Variants in NOTCH3 observed in about 807,000 individuals in gnomAD.
The protein encoded by NOTCH3 is notch receptor 3.
NOTCH3 carries 86 observed loss-of-function variants against 213.3 expected under a neutral mutation model. The observed-to-expected ratio is 0.40, with a 90% CI of 0.34 to 0.48. The LOEUF (loss-of-function observed/expected upper bound fraction) is 0.48. NOTCH3 is among the 20% of genes least tolerant of loss of function. The pLI is 0.57. For missense variants in NOTCH3, 2,783 were observed against 3,272.6 expected, an observed-to-expected ratio of 0.85 and a Z score of 3.65; for synonymous variants, 1,354 against 1,355.9, an observed-to-expected ratio of 1.00 and a Z score of 0.03.
rs1383667682 is a variant in NOTCH3, at chr19:15,185,018, T to C, written c.2298A>G (p.Gly766=). ...FHCTCPPGVQ[G]RQCELLSPCT... Reference sequence around the variant, plus strand: ...AGGGGGAGAGGAGTTCACACTGACGTCCTGTTGGGGGTGGAAGAGAGGGAA... The same window carrying C: ...AGGGGGAGAGGAGTTCACACTGACGCCCTGTTGGGGGTGGAAGAGAGGGAA... Residue 766 remains glycine (G), a splice_region_variant and synonymous_variant, in exon 15 of 33, where the codon GGA becomes GGG. Coordinates refer to ENST00000263388, the MANE Select transcript of NOTCH3 (RefSeq NM_000435.3). The surrounding 1 kb of genome is among the most constrained non-coding windows in gnomAD (Gnocchi z 4.2). 9 of 1,477,848 alleles carry C rather than the reference T, an allele frequency of 6.1e-6. No homozygotes were observed. In the Admixed American group the frequency reaches 8.2e-5, roughly 14 times the overall value. 91.5% of individuals were successfully genotyped at this position (1,477,848 alleles called of 1,614,324 possible).
intron 24 of NOTCH3, among the ~76,000 whole-genome samples, chr19:15,175,614 C>CACAT (rs1491101245): frequency 1.8e-5 from 2 of 109,666 alleles, no homozygotes; most frequent in African/African-American, 7.9e-5. Flanking sequence ...CACACACACA[C>CACAT]GCACGCACAC....
intron 19 of NOTCH3, 64 bp downstream of exon 19, chr19:15,180,617 C>A: frequency 6.6e-7 from 1 of 1,521,782 alleles, no homozygotes. Context: ...CTCACACTAG[C>A]AGGAGGTACG....
rs1312608785 is a variant in NOTCH3 at position 15,166,441 on chromosome 19, T to C, written c.5363-350A>G. Among the ~76,000 whole-genome samples, 3 of 152,220 alleles carry C rather than the reference T, an allele frequency of 2.0e-5. No homozygotes were observed. The East Asian group carries it at 5.8e-4, about 29-fold the overall frequency. ...AACTCAAGGCAAAGAAACCATCCCC[T>C]TCATACTCCTGCACCCACTGGTTAG... On this transcript the variant is annotated intron_variant, in intron 29 of 32. Coordinates refer to ENST00000263388, the MANE Select transcript of NOTCH3 (RefSeq NM_000435.3).
chr19:15,197,457 C>T (rs1431727803), intron 2 of NOTCH3, 43 bp downstream of exon 2: 2 of 1,204,210 alleles, frequency 1.7e-6, no homozygotes, highest in African/African-American at 1.5e-5. Flanking sequence ...CCCCCCCGCC[C>T]CCACACACAG....
chr19:15,190,659 C>T (rs2046919989), intron 6 of NOTCH3, among the ~76,000 whole-genome samples: 1 of 152,236 alleles, frequency 6.6e-6, no homozygotes, highest in Admixed American at 6.5e-5. Context: ...AGTCTCAGCT[C>T]ACTGCAACCT....
Position 15,159,970 on chromosome 19 carries a change from C to T in NOTCH3, c.*692G>A, listed in dbSNP as rs2046625852. On this transcript the variant is annotated 3_prime_UTR_variant, in exon 33 of 33. Coordinates refer to ENST00000263388, the MANE Select transcript of NOTCH3 (RefSeq NM_000435.3). ...GAGGGAGTTGGCAGTGGGCCCTTCC[C>T]CAGCAAGGCTATGGAACATGTCCCA... 4.3e-6 allele frequency: 1 copy of T among 233,760 alleles called. No homozygotes were observed. 14.5% of individuals were successfully genotyped at this position (233,760 alleles called of 1,614,324 possible).
At chr19:15,164,795 GT>G (rs58826169) in intron 31 of NOTCH3, among the ~76,000 whole-genome samples, 128,997 of 146,250 alleles carry the variant, frequency 0.88, 57,006 homozygotes, top group African/African-American at 0.93. Context: ...TCTGGAGACT[GT>G]TTTTTTTTTT....
chr19:15,192,666 G>A (rs913337973), intron 2 of NOTCH3, 147 bp from the exon 3 acceptor site: 12 of 1,202,912 alleles, frequency 1.0e-5, no homozygotes, highest in Middle Eastern at 2.7e-4. Context: ...TGTAATCCCA[G>A]AACTTTGGGA....
chr19:15,161,052 T>C lies in NOTCH3; in HGVS notation c.6576A>G (p.Gly2192=), dbSNP rs2145380839. Residue 2192 remains glycine (G), a synonymous_variant, in exon 33 of 33, where the codon GGA becomes GGG. Transcript: ENST00000263388. ...GPSFLLPLAP[G]PQLLNPGTPV... is the part of the protein sequence containing the mutation. ...GGGTCCCTGGGTTGAGCAGCTGGGGTCCCGGCGCCAGTGGCAGCAGGAACG... is the reference window on the plus strand; with the variant it reads ...GGGTCCCTGGGTTGAGCAGCTGGGGCCCCGGCGCCAGTGGCAGCAGGAACG... 1 of 1,536,752 alleles carries C rather than the reference T, an allele frequency of 6.5e-7. No individual in the cohort carries two copies. Among genetic ancestry groups the C allele is most frequent in the Non-Finnish European group, 8.7e-7 (1 of 1,144,664 alleles).
At position 15,187,113 on chromosome 19, in the gene NOTCH3, C is replaced by T; in HGVS notation, c.1832G>A (p.Gly611Glu). ...VDKYLCRCPS[G>E]TTGVNCEVNI... ...CCAGCCCCCGGTCCCACCTGTGGTC[C>T]CAGAAGGGCAGCGGCAGAGGTACTT... is the stretch of plus-strand genomic sequence containing the variant. Residue 611 changes from glycine (G) to glutamate (E), a missense_variant, in exon 11 of 33, where the codon GGG becomes GAG. Around this residue, in one of 6 missense-constraint regions of NOTCH3, gnomAD observed 708 missense variants for 906.6 expected, o/e 0.78. Coordinates refer to ENST00000263388, the MANE Select transcript of NOTCH3 (RefSeq NM_000435.3). 1 of 1,613,934 alleles carries T rather than the reference C, an allele frequency of 6.2e-7. No individual in the cohort carries two copies. The highest frequency in any genetic ancestry group is 1.3e-5 in the African/African-American group (1 of 75,050).
chr19:15,170,479 C>CCAG lies in NOTCH3; in HGVS notation c.4963_4965dup (p.Leu1655dup). ...ACCATGACACCCAGGACGAGAATGA[C>CCAG]CAGCAGCAAGACAGCGCCCGCCACT... On this transcript the variant is annotated inframe_insertion, in exon 27 of 33. Coordinates refer to ENST00000263388, the MANE Select transcript of NOTCH3 (RefSeq NM_000435.3). 1 of 1,607,226 alleles carries CCAG rather than the reference C, an allele frequency of 6.2e-7. No homozygotes were observed.
intron 19 of NOTCH3, 39 bp downstream of exon 19, chr19:15,180,642 C>A (rs1217205876): frequency 4.5e-6 from 7 of 1,541,446 alleles, no homozygotes; most frequent in Non-Finnish European, 5.2e-6. Flanking sequence ...TGAGCCCCTT[C>A]CCAAGGCCCC....
intron 25 of NOTCH3, among the ~76,000 whole-genome samples, chr19:15,173,154 G>A (rs2046753733): frequency 1.5e-5 from 2 of 130,092 alleles, no homozygotes; most frequent in South Asian, 5.6e-4. Context: ...GGGCATGGTG[G>A]CTCACGCCTG....
chr19:15,197,792 C>T (rs372570257), intron 1 of NOTCH3, among the ~76,000 whole-genome samples: 5 of 149,216 alleles, frequency 3.4e-5, no homozygotes, highest in African/African-American at 7.5e-5. Flanking sequence ...CCTGCCAGCT[C>T]GAGCCCTGGG....
intron 2 of NOTCH3, 59 bp downstream of exon 2, chr19:15,197,441 G>GGGCCCCCCCCCCCCCCC: frequency 9.1e-6 from 7 of 768,350 alleles, no homozygotes; most frequent in East Asian, 2.7e-5. Context: ...AAGACAAATC[G>GGGCCCCCCCCCCCCCCC]CCCCTCCCCC....
chr19:15,188,098 TA>T, intron 9 of NOTCH3, 104 bp from the exon 10 acceptor site: 3 of 1,077,898 alleles, frequency 2.8e-6, no homozygotes, highest in Non-Finnish European at 4.2e-6. Flanking sequence ...TACTTGGATT[TA>T]AATTAACTTC....
chr19:15,186,718 C>T (rs1015483221), intron 12 of NOTCH3, among the ~76,000 whole-genome samples, 160 bp downstream of exon 12: 3 of 152,122 alleles, frequency 2.0e-5, no homozygotes, highest in Non-Finnish European at 2.9e-5. Context: ...AGAATAATCT[C>T]GAAACAACCT....
intron 25 of NOTCH3, among the ~76,000 whole-genome samples, chr19:15,173,032 T>TCC (rs2046747864): frequency 4.4e-4 from 2 of 4,550 alleles, no homozygotes; most frequent in Admixed American, 1.5e-3. Context: ...TTCCTCCCCC[T>TCC]CCCCCTCCCC....
intron 22 of NOTCH3, 33 bp from the exon 23 acceptor site, chr19:15,178,974 A>T (rs745309519): frequency 3.1e-6 from 5 of 1,614,112 alleles, no homozygotes; most frequent in Non-Finnish European, 4.2e-6. Context: ...ATCAGCCACA[A>T]TGGGGGAATG....
Sources: allele counts gnomAD v4.1 joint callset (sites outside exome capture counted in the v4.1 genomes callset), GRCh38; gene constraint gnomAD v4.1.1; regional missense constraint gnomAD v4.1.1; non-coding constraint Gnocchi (gnomAD v3.1); transcripts MANE v1.5; gene names NCBI Gene and HGNC (gene_info 2026-07-23, HGNC 2026-07-21).